PRKG1: variants seen among roughly 807,000 people sequenced by gnomAD.
PRKG1 encodes the protein cGMP-dependent protein kinase 1.
In PRKG1, 35 loss-of-function variants were observed where a neutral mutation model predicts 88.1. The observed-to-expected ratio is 0.40, with a 90% CI of 0.30 to 0.53. PRKG1 has a LOEUF of 0.53. Among genes scored for constraint, PRKG1 ranks in the 20% least tolerant of loss-of-function variants. PRKG1 has a pLI of 0.59. For missense variants in PRKG1, 540 were observed against 839.8 expected (o/e 0.64, Z 4.41); for synonymous variants, 303 against 292.5 (o/e 1.04, Z -0.37).
chr10:52,260,796 G>A (rs1169777660), intron 10 of PRKG1, among the ~76,000 whole-genome samples: 1 of 151,932 alleles, frequency 6.6e-6, no homozygotes, highest in Non-Finnish European at 1.5e-5. Context: ...ATGAAGTAAA[G>A]TTTATTTAGC....
intron 3 of PRKG1, among the ~76,000 whole-genome samples, chr10:51,549,262 T>A (rs1300881935): frequency 1.3e-5 from 2 of 151,222 alleles, no homozygotes; most frequent in East Asian, 3.9e-4. Context: ...GTAGCTGGGA[T>A]TACAGGTGCG....
chr10:52,229,650 G>A (rs575289165), intron 9 of PRKG1, among the ~76,000 whole-genome samples: 1 of 152,238 alleles, frequency 6.6e-6, no homozygotes, highest in Admixed American at 6.5e-5. Context: ...GATGCCTGTT[G>A]CCTGATTCTG....
intron 3 of PRKG1, among the ~76,000 whole-genome samples, chr10:51,791,924 T>C (rs964341895): frequency 1.1e-4 from 17 of 152,088 alleles, no homozygotes; most frequent in African/African-American, 4.1e-4. Context: ...CTGAAATATG[T>C]TATGTTTAAG....
At chr10:51,677,842 C>G (rs1480252745) in intron 3 of PRKG1, among the ~76,000 whole-genome samples, 1 of 152,112 alleles carries the variant, frequency 6.6e-6, no homozygotes, top group African/African-American at 2.4e-5. Flanking sequence ...GTTTGCGCAT[C>G]AGAAGGAGAG....
chr10:52,169,140 T>A (rs1300910929), intron 9 of PRKG1, among the ~76,000 whole-genome samples: 4 of 151,968 alleles, frequency 2.6e-5, no homozygotes, highest in Non-Finnish European at 4.4e-5. Context: ...TGGCAAAAAT[T>A]AAAGAAAAGA....
intron 3 of PRKG1, among the ~76,000 whole-genome samples, chr10:51,801,693 C>G (rs769826735): frequency 2.6e-5 from 4 of 152,072 alleles, no homozygotes; most frequent in Non-Finnish European, 5.9e-5. Context: ...TTTGTGGTCT[C>G]TTAGTCTAGC....
At chr10:51,392,250 C>G (rs541788248) in intron 2 of PRKG1, among the ~76,000 whole-genome samples, 18 of 151,688 alleles carry the variant, frequency 1.2e-4, no homozygotes, top group Non-Finnish European at 2.5e-4. Flanking sequence ...ACAAAGGTCT[C>G]TGGTTTTCCT....
chr10:51,389,767 C>T (rs1322459961), intron 2 of PRKG1, among the ~76,000 whole-genome samples: 1 of 152,038 alleles, frequency 6.6e-6, no homozygotes, highest in Non-Finnish European at 1.5e-5. Flanking sequence ...TTGAGTAATA[C>T]ATAAAATGAT....
At chr10:51,146,248 AT>A (rs377584807) in intron 1 of PRKG1, among the ~76,000 whole-genome samples, 2 of 151,100 alleles carry the variant, frequency 1.3e-5, no homozygotes, top group Non-Finnish European at 3.0e-5. Context: ...GCATTTTGTT[AT>A]TTTTTGTCTT....
chr10:51,211,219 T>C (rs1363467842), intron 2 of PRKG1, among the ~76,000 whole-genome samples: 1 of 152,034 alleles, frequency 6.6e-6, no homozygotes, highest in Non-Finnish European at 1.5e-5. Context: ...AAAAACCACA[T>C]GACTATCTCA....
At chr10:51,662,299 A>G (rs112974308) in intron 3 of PRKG1, among the ~76,000 whole-genome samples, 34 of 152,238 alleles carry the variant, frequency 2.2e-4, no homozygotes, top group African/African-American at 7.9e-4. Flanking sequence ...ATAAGGGCAT[A>G]AAAAGACAGA....
chr10:52,230,270 G>A (rs760522032), intron 9 of PRKG1, among the ~76,000 whole-genome samples: 6 of 152,136 alleles, frequency 3.9e-5, no homozygotes, highest in South Asian at 2.1e-4. Flanking sequence ...AAGGGGTGAG[G>A]GAAGTGGAAA....
chr10:52,196,615 T>G (rs1839514293), intron 9 of PRKG1, among the ~76,000 whole-genome samples: 1 of 152,194 alleles, frequency 6.6e-6, no homozygotes, highest in African/African-American at 2.4e-5. Context: ...GGGAATTATC[T>G]AAGGAGACTC....
intron 4 of PRKG1, among the ~76,000 whole-genome samples, chr10:51,852,487 A>G (rs958653039): frequency 6.6e-6 from 1 of 152,032 alleles, no homozygotes; most frequent in Non-Finnish European, 1.5e-5. Context: ...TCTAAAACAT[A>G]GCAGCTCCAT....
Position 51,743,707 on chromosome 10 carries a change from AC to A in PRKG1, c.593-60877del, listed in dbSNP as rs1564629890. Reference sequence around the variant, plus strand: ...ATAATTTATTATATATATAATATAAACTAAATATATATATATATAATATAAA... The same window carrying A: ...ATAATTTATTATATATATAATATAAATAAATATATATATATATAATATAAA... On this transcript the variant is annotated intron_variant, in intron 3 of 17. Coordinates refer to ENST00000373980, the MANE Select transcript of PRKG1 (RefSeq NM_006258.4). Among the ~76,000 whole-genome samples the A allele has an allele frequency of 1.0e-3, 110 of 109,804 alleles. 1 individual carries two copies. The highest frequency in any genetic ancestry group is 4.1e-3 in the African/African-American group (105 of 25,558). 72.0% of individuals were successfully genotyped at this position (109,804 alleles called of 152,430 possible).
intron 3 of PRKG1, among the ~76,000 whole-genome samples, chr10:51,604,529 C>CA (rs1454757766): frequency 1.3e-5 from 2 of 152,192 alleles, no homozygotes; most frequent in African/African-American, 4.8e-5. Flanking sequence ...GCTCTCGCCA[C>CA]ACAGATCAAA....
At chr10:51,468,793 G>GT (rs1323670712) in intron 3 of PRKG1, among the ~76,000 whole-genome samples, 1 of 151,680 alleles carries the variant, frequency 6.6e-6, no homozygotes, top group Non-Finnish European at 1.5e-5. Context: ...ACTACTTTTT[G>GT]TATTAGTTTT....
intron 2 of PRKG1, among the ~76,000 whole-genome samples, chr10:51,187,354 T>C (rs914525676): frequency 5.9e-5 from 9 of 151,962 alleles, no homozygotes; most frequent in African/African-American, 2.2e-4. Flanking sequence ...TTTGAAAAAC[T>C]TGGCTATTTC....
intron 2 of PRKG1, among the ~76,000 whole-genome samples, chr10:51,260,687 A>G (rs561993958): frequency 6.6e-6 from 1 of 152,332 alleles, no homozygotes; most frequent in Non-Finnish European, 1.5e-5. Flanking sequence ...AATTCTGCTC[A>G]TGGAGATTAT....
Sources: gnomAD v4.1 joint callset for allele counts (sites outside exome capture counted in the v4.1 genomes callset) on GRCh38, gnomAD v4.1.1 for gene constraint, MANE v1.5 for transcripts, NCBI Gene and HGNC (gene_info 2026-07-23, HGNC 2026-07-21) for gene names.